TEK: variants seen among roughly 807,000 people sequenced by gnomAD.
The protein encoded by TEK is angiopoietin-1 receptor.
A neutral mutation model predicts 131.8 loss-of-function variants in TEK; 43 were observed. The observed-to-expected ratio is 0.33, with a 90% CI of 0.26 to 0.42. The LOEUF is 0.42. TEK is among the 10% of genes least tolerant of loss of function. The probability of loss-of-function intolerance (pLI) is 1.00; values close to 1 mark genes in which losing one functional copy is unlikely to be tolerated. For missense variants in TEK, 1,162 were observed against 1,384.4 expected, an observed-to-expected ratio of 0.84 and a Z score of 2.55; for synonymous variants, 580 against 491.6, an observed-to-expected ratio of 1.18 and a Z score of -2.38.
At chr9:27,160,892 C>T (rs772377175) in intron 2 of TEK, among the ~76,000 whole-genome samples, 12 of 152,256 alleles carry the variant, frequency 7.9e-5, no homozygotes, top group Non-Finnish European at 1.8e-4. Flanking sequence ...TGAAAGTCAG[C>T]TCTATTATTT....
chr9:27,200,968 TC>T, intron 12 of TEK, among the ~76,000 whole-genome samples: 2 of 152,210 alleles, frequency 1.3e-5, no homozygotes, highest in Admixed American at 1.3e-4. Context: ...GTTCTATTTT[TC>T]CCCCCACCAT....
intron 21 of TEK, among the ~76,000 whole-genome samples, chr9:27,224,383 C>T (rs1438956649): frequency 1.3e-5 from 2 of 149,504 alleles, no homozygotes; most frequent in East Asian, 4.0e-4. Flanking sequence ...AAACAGAATC[C>T]AGCAGCACAT....
chr9:27,127,677 G>C (rs141189971), intron 1 of TEK, among the ~76,000 whole-genome samples: 34,677 of 152,164 alleles, frequency 0.23, 4,666 homozygotes, highest in Admixed American at 0.3. Flanking sequence ...CATTCTAACT[G>C]ATGAGAGATG....
At chr9:27,152,590 G>GCCCCCC (rs370861168) in intron 1 of TEK, among the ~76,000 whole-genome samples, 14 of 141,554 alleles carry the variant, frequency 9.9e-5, no homozygotes, top group African/African-American at 3.5e-4. Context: ...CTTATATGAA[G>GCCCCCC]CCCCCCCGCC....
intron 1 of TEK, among the ~76,000 whole-genome samples, chr9:27,127,031 G>C (rs1330266055): frequency 6.6e-6 from 1 of 152,174 alleles, no homozygotes; most frequent in Admixed American, 6.5e-5. Context: ...AGAAAGTGCA[G>C]TTTTGTTACA....
At chr9:27,170,086 G>T (rs1823893485) in intron 4 of TEK, among the ~76,000 whole-genome samples, 1 of 152,154 alleles carries the variant, frequency 6.6e-6, no homozygotes, top group Non-Finnish European at 1.5e-5. Context: ...TCACATGGCG[G>T]CAGGAGAGAG....
intron 1 of TEK, among the ~76,000 whole-genome samples, chr9:27,127,846 G>A (rs1822050108): frequency 1.3e-5 from 2 of 152,106 alleles, no homozygotes; most frequent in Admixed American, 1.3e-4. Context: ...TTGTAAATTT[G>A]TTGAAGTTCT....
At position 27,157,928 on chromosome 9, in the gene TEK, C is replaced by T. The variant is rs774438153; in HGVS notation, c.150C>T (p.Arg50=). The change falls in exon 2 of 23, where the codon CGC becomes CGT. Residue 50 remains arginine (R), a synonymous_variant. Coordinates refer to ENST00000380036, the MANE Select transcript of TEK (RefSeq NM_000459.5). ...TCACCTGCATTGCCTCTGGGTGGCGCCCCCATGAGCCCATCACCATAGGAA... is the reference window on the plus strand; with the variant it reads ...TCACCTGCATTGCCTCTGGGTGGCGTCCCCATGAGCCCATCACCATAGGAA... ...TSLTCIASGW[R]PHEPITIGRD... The T allele has an allele frequency of 1.9e-6, 3 of 1,613,820 alleles. No individual in the cohort carries two copies. The Admixed American group carries it at 5.0e-5, about 27-fold the overall frequency.
chr9:27,143,250 A>G (rs1822794951), intron 1 of TEK, among the ~76,000 whole-genome samples: 1 of 152,188 alleles, frequency 6.6e-6, no homozygotes, highest in South Asian at 2.1e-4. Flanking sequence ...TGTCCCCAAG[A>G]ACTGTGGCTT....
chr9:27,208,759 G>A (rs1014803889), intron 15 of TEK, among the ~76,000 whole-genome samples: 1 of 152,216 alleles, frequency 6.6e-6, no homozygotes, highest in African/African-American at 2.4e-5. Flanking sequence ...TCATTTACCT[G>A]AGGATCTGGG....
At chr9:27,176,432 A>G (rs1564077914) in intron 6 of TEK, among the ~76,000 whole-genome samples, 1 of 152,220 alleles carries the variant, frequency 6.6e-6, no homozygotes. Context: ...GTCTTCTGCC[A>G]TCCCAACAGA....
intron 8 of TEK, among the ~76,000 whole-genome samples, chr9:27,184,534 C>G (rs1824525588): frequency 6.6e-6 from 1 of 152,136 alleles, no homozygotes; most frequent in Non-Finnish European, 1.5e-5. Flanking sequence ...TCCCTGATTC[C>G]ACTCAAACAA....
intron 1 of TEK, among the ~76,000 whole-genome samples, chr9:27,137,124 C>G (rs7847280): frequency 0.52 from 78,736 of 151,654 alleles, 21,428 homozygotes; most frequent in African/African-American, 0.57. Flanking sequence ...CACCATGTTC[C>G]CCAAGATGGT....
intron 1 of TEK, among the ~76,000 whole-genome samples, chr9:27,123,137 C>G (rs531778501): frequency 6.9e-6 from 1 of 144,578 alleles, no homozygotes; most frequent in Non-Finnish European, 1.5e-5. Flanking sequence ...GGTGCTGTTG[C>G]GAAGCATTTT....
intron 18 of TEK, among the ~76,000 whole-genome samples, chr9:27,217,467 A>T (rs1338284717): frequency 2.0e-5 from 3 of 152,216 alleles, no homozygotes; most frequent in Non-Finnish European, 4.4e-5. Context: ...GCACACTCAC[A>T]CTTCCATTCA....
intron 2 of TEK, among the ~76,000 whole-genome samples, chr9:27,161,427 T>A (rs1280274792): frequency 6.6e-6 from 1 of 152,256 alleles, no homozygotes; most frequent in Non-Finnish European, 1.5e-5. Context: ...AGCATCGATT[T>A]ACACAGTGAA....
rs1410657220 is a variant in TEK, at chr9:27,168,553, A to G, written c.423A>G (p.Ile141Met). ...TGGACAAGGGAGATAACGTGAACAT[A>G]TCTTTCAAAAAGGTATTGATTAAAG... The part of the protein sequence containing the change: ...MTVDKGDNVN[I>M]SFKKVLIKEE... Residue 141 changes from isoleucine to methionine, a missense_variant, in exon 3 of 23, where the codon ATA becomes ATG. This residue lies in a region of TEK where 436 missense variants were observed against 539.1 expected (regional missense o/e 0.81). Coordinates refer to ENST00000380036, the MANE Select transcript of TEK (RefSeq NM_000459.5). 2 of 1,613,868 alleles carry G rather than the reference A, an allele frequency of 1.2e-6. No individual in the cohort carries two copies. The highest frequency in any genetic ancestry group is 1.7e-6 in the Non-Finnish European group (2 of 1,179,902).
chr9:27,201,105 C>T (rs373373236), intron 12 of TEK, among the ~76,000 whole-genome samples: 1 of 152,098 alleles, frequency 6.6e-6, no homozygotes, highest in Non-Finnish European at 1.5e-5. Flanking sequence ...ATTAGTGTTT[C>T]CTAAAGCATT....
intron 1 of TEK, among the ~76,000 whole-genome samples, chr9:27,136,401 C>T (rs571390592): frequency 6.6e-6 from 1 of 152,252 alleles, no homozygotes; most frequent in South Asian, 2.1e-4. Flanking sequence ...CTTGTAGTTA[C>T]CTCTGACACT....
Sources: gnomAD v4.1 joint callset for allele counts (sites outside exome capture counted in the v4.1 genomes callset) on GRCh38, gnomAD v4.1.1 for gene constraint, gnomAD v4.1.1 regional missense constraint, MANE v1.5 for transcripts, NCBI Gene and HGNC (gene_info 2026-07-23, HGNC 2026-07-21) for gene names.